The following AGBL4 variants were observed in gnomAD, a reference collection of about 807,000 sequenced individuals.
The protein encoded by AGBL4 is cytosolic carboxypeptidase 6.
In AGBL4, 58 loss-of-function variants were observed where a neutral mutation model predicts 66.4. The observed-to-expected ratio is 0.87, with a 90% CI of 0.71 to 1.09. The LOEUF (loss-of-function observed/expected upper bound fraction) is 1.09. Among genes scored for constraint, AGBL4 ranks in the 50% least tolerant of loss-of-function variants. The pLI is 0.00. For synonymous variants in AGBL4, 234 were observed against 222.9 expected (o/e 1.05, Z -0.44); for missense variants, 579 against 631.0 (o/e 0.92, Z 0.88).
chr1:48,581,856 C>T (rs1644745549), intron 11 of AGBL4, among the ~76,000 whole-genome samples: 1 of 152,176 alleles, frequency 6.6e-6, no homozygotes, highest in Non-Finnish European at 1.5e-5. Flanking sequence ...ATTAGGGTCT[C>T]AGCGAGAATG....
Position 48,591,437 on chromosome 1 carries a change from A to G in AGBL4, c.952-452T>C, listed in dbSNP as rs566218029. The stretch of plus-strand genomic sequence containing the variant: ...TGGGCCTGGTTGCAGTTTTGCCCCA[A>G]CTTGGCCATTTCTAGCTGGGAAGCT... On this transcript the variant is annotated intron_variant, in intron 9 of 13. Transcript: ENST00000371839. Among the ~76,000 whole-genome samples, 5 of 152,258 alleles carry G rather than the reference A, an allele frequency of 3.3e-5. No homozygotes were observed. The South Asian group carries it at 1.0e-3, about 32-fold the overall frequency.
intron 1 of AGBL4, among the ~76,000 whole-genome samples, chr1:49,900,879 T>G (rs930183484): frequency 1.3e-5 from 2 of 152,240 alleles, no homozygotes. Context: ...TGCAGAGTAT[T>G]CTGCATAGTA....
At chr1:49,267,477 G>A (rs1643948813) in intron 3 of AGBL4, among the ~76,000 whole-genome samples, 1 of 152,128 alleles carries the variant, frequency 6.6e-6, no homozygotes, top group Non-Finnish European at 1.5e-5. Flanking sequence ...TCAGGAGATT[G>A]AGACCATTCT....
At chr1:49,954,983 C>T (rs947303287) in intron 1 of AGBL4, among the ~76,000 whole-genome samples, 2 of 151,544 alleles carry the variant, frequency 1.3e-5, no homozygotes, top group African/African-American at 2.4e-5. Flanking sequence ...AAAATGAGAC[C>T]CAATTCTCAT....
At position 49,219,689 on chromosome 1, in the gene AGBL4, A is replaced by C. The variant is rs577755288; in HGVS notation, c.377+26081T>G. ...CTGAGAAAAGCTTATAGATGTGACC[A>C]TATTGAAAGAGCAGTTAATTTCTAA... is the stretch of plus-strand genomic sequence containing the variant. On this transcript the variant is annotated intron_variant, in intron 4 of 13. Transcript: ENST00000371839. Among the ~76,000 whole-genome samples the C allele has an allele frequency of 7.9e-5, 12 of 152,320 alleles. No homozygotes were observed. In the South Asian group the frequency reaches 2.3e-3, roughly 29 times the overall value.
At chr1:48,552,765 G>A (rs940077894) in intron 11 of AGBL4, among the ~76,000 whole-genome samples, 1 of 152,050 alleles carries the variant, frequency 6.6e-6, no homozygotes, top group African/African-American at 2.4e-5. Context: ...TGAGAGAGGT[G>A]GGCAGGATCT....
chr1:49,179,586 A>G (rs937609066), intron 4 of AGBL4, among the ~76,000 whole-genome samples: 6 of 152,020 alleles, frequency 3.9e-5, no homozygotes, highest in Non-Finnish European at 7.4e-5. Flanking sequence ...TCAGAAGTCA[A>G]CACTAGCAAG....
chr1:49,498,258 A>C (rs1647795075), intron 3 of AGBL4, among the ~76,000 whole-genome samples: 1 of 151,900 alleles, frequency 6.6e-6, no homozygotes, highest in Non-Finnish European at 1.5e-5. Context: ...ATCAGACCTC[A>C]CAGTTTTTTG....
chr1:49,203,167 T>G (rs1055877977), intron 4 of AGBL4, among the ~76,000 whole-genome samples: 1 of 151,774 alleles, frequency 6.6e-6, no homozygotes, highest in African/African-American at 2.4e-5. Flanking sequence ...TGTGCACTGT[T>G]GGTGGGACTG....
intron 7 of AGBL4, among the ~76,000 whole-genome samples, chr1:48,661,075 T>C (rs1646099629): frequency 6.6e-6 from 1 of 152,010 alleles, no homozygotes; most frequent in Non-Finnish European, 1.5e-5. Context: ...AAAATGACAG[T>C]TGGAGACCAG....
chr1:49,029,077 C>T (rs1370683327), intron 5 of AGBL4, among the ~76,000 whole-genome samples: 1 of 152,052 alleles, frequency 6.6e-6, no homozygotes, highest in Admixed American at 6.6e-5. Context: ...TGATAAAGGG[C>T]ATCTATAAAA....
At chr1:49,804,631 T>C (rs928853266) in intron 2 of AGBL4, among the ~76,000 whole-genome samples, 5 of 152,206 alleles carry the variant, frequency 3.3e-5, no homozygotes, top group African/African-American at 1.2e-4. Flanking sequence ...CTGAATTTAT[T>C]AAGTGATTCA....
intron 3 of AGBL4, among the ~76,000 whole-genome samples, chr1:49,465,678 T>G (rs1185642168): frequency 6.6e-6 from 1 of 151,798 alleles, no homozygotes; most frequent in Non-Finnish European, 1.5e-5. Context: ...AGCACTTCAC[T>G]GACAAACTAA....
chr1:49,367,279 C>T (rs1047586689), intron 3 of AGBL4, among the ~76,000 whole-genome samples: 4 of 152,154 alleles, frequency 2.6e-5, no homozygotes, highest in African/African-American at 4.8e-5. Flanking sequence ...AATGGCTTGG[C>T]ATCCTTCCCA....
intron 3 of AGBL4, among the ~76,000 whole-genome samples, chr1:49,555,037 G>T (rs576076379): frequency 6.6e-6 from 1 of 152,180 alleles, no homozygotes; most frequent in Non-Finnish European, 1.5e-5. Flanking sequence ...AGCTTCCACA[G>T]GAAGAAGGGG....
chr1:49,544,606 C>T (rs1558036969), intron 3 of AGBL4, among the ~76,000 whole-genome samples: 1 of 152,206 alleles, frequency 6.6e-6, no homozygotes, highest in Non-Finnish European at 1.5e-5. Context: ...AGAATCACTT[C>T]TGCTACCATT....
At chr1:49,773,569 A>G (rs965936407) in intron 2 of AGBL4, among the ~76,000 whole-genome samples, 4 of 152,130 alleles carry the variant, frequency 2.6e-5, no homozygotes, top group African/African-American at 9.7e-5. Context: ...AACACCTGTG[A>G]TATCTCAGTG....
intron 6 of AGBL4, among the ~76,000 whole-genome samples, chr1:48,747,475 G>C (rs1047521783): frequency 6.6e-6 from 1 of 152,166 alleles, no homozygotes; most frequent in Non-Finnish European, 1.5e-5. Context: ...AGGCACTGGG[G>C]ACCCAGAGAC....
chr1:49,958,676 A>G (rs1427894025), intron 1 of AGBL4, among the ~76,000 whole-genome samples: 1 of 125,884 alleles, frequency 7.9e-6, no homozygotes. Flanking sequence ...GTGGAACATC[A>G]CACACTAGGG....
Sources: allele counts gnomAD v4.1 joint callset (sites outside exome capture counted in the v4.1 genomes callset), GRCh38; gene constraint gnomAD v4.1.1; transcripts MANE v1.5; gene names NCBI Gene and HGNC (gene_info 2026-07-23, HGNC 2026-07-21).